The following FCHO2 variants were observed in gnomAD, a reference collection of about 807,000 sequenced individuals.
FCHO2 encodes FCH and mu domain containing endocytic adaptor 2, also known as F-BAR domain only protein 2.
FCHO2 carries 43 observed loss-of-function variants against 114.1 expected under a neutral mutation model. That is an observed-to-expected ratio of 0.38 (90% CI 0.30 to 0.49). FCHO2 has a LOEUF of 0.49. Among genes scored for constraint, FCHO2 ranks in the 20% least tolerant of loss-of-function variants. The pLI is 0.97. For synonymous variants in FCHO2, 293 were observed against 315.2 expected, an observed-to-expected ratio of 0.93 and a Z score of 0.75; for missense variants, 807 against 950.4, an observed-to-expected ratio of 0.85 and a Z score of 1.98.
intron 5 of FCHO2, among the ~76,000 whole-genome samples, chr5:72,994,821 G>A (rs1753997151): frequency 6.6e-6 from 1 of 152,178 alleles, no homozygotes; most frequent in Admixed American, 6.5e-5. Flanking sequence ...GGGAACATGG[G>A]TGGAGCTGGA....
intron 5 of FCHO2, among the ~76,000 whole-genome samples, chr5:72,993,231 A>T (rs1429051306): frequency 6.6e-6 from 1 of 152,084 alleles, no homozygotes; most frequent in African/African-American, 2.4e-5. Context: ...TAATTAGAAA[A>T]CTTGGAAATG....
intron 18 of FCHO2, among the ~76,000 whole-genome samples, chr5:73,066,107 A>C (rs1173397503): frequency 1.3e-5 from 2 of 152,036 alleles, no homozygotes; most frequent in African/African-American, 2.4e-5. Context: ...AAGTGATAGA[A>C]TCTTTTGCCA....
chr5:72,974,855 C>T (rs1402201340), intron 2 of FCHO2, among the ~76,000 whole-genome samples: 1 of 152,150 alleles, frequency 6.6e-6, no homozygotes, highest in Admixed American at 6.5e-5. Flanking sequence ...TTGTTCCTTT[C>T]CATGTTTAGC....
intron 23 of FCHO2, 136 bp from the exon 24 acceptor site, chr5:73,082,625 C>A: frequency 1.5e-6 from 1 of 683,796 alleles, no homozygotes; most frequent in Admixed American, 3.1e-5. Context: ...ACATTTTCAC[C>A]AGTTAATACT....
chr5:73,070,126 G>C (rs1232138026), intron 19 of FCHO2, among the ~76,000 whole-genome samples: 1 of 152,084 alleles, frequency 6.6e-6, no homozygotes, highest in East Asian at 1.9e-4. Flanking sequence ...AGTGGAACTA[G>C]CAGTCGTTTA....
At chr5:73,001,172 G>C (rs1336732475) in intron 5 of FCHO2, among the ~76,000 whole-genome samples, 1 of 152,040 alleles carries the variant, frequency 6.6e-6, no homozygotes, top group East Asian at 1.9e-4. Flanking sequence ...CAGGGTGGAG[G>C]GATAACTTGA....
chr5:72,978,650 A>C (rs1753011842), intron 2 of FCHO2, among the ~76,000 whole-genome samples: 1 of 152,128 alleles, frequency 6.6e-6, no homozygotes, highest in Non-Finnish European at 1.5e-5. Context: ...ACTATGTTGA[A>C]TAAGAGTGGT....
At position 73,081,790 on chromosome 5, in the gene FCHO2, C is replaced by A; in HGVS notation, c.1988C>A (p.Ser663Ter). ...GTTCTTTTCTCTTTAAAGGTATCAT[C>A]AAATGGTATTCAGTCCACTCCTCTG... The part of the protein sequence containing the change: ...NVDVLKYQVS[S>*]NGIQSTPLNL... The change falls in exon 23 of 26, where the codon TCA becomes TAA. Residue 663 changes from serine (S) to a stop codon, truncating the protein, a stop_gained. Coordinates refer to ENST00000430046, the MANE Select transcript of FCHO2 (RefSeq NM_138782.3). LOFTEE classifies it high-confidence loss of function. The A allele has an allele frequency of 6.6e-7, 1 of 1,522,638 alleles. No homozygotes were observed. Among genetic ancestry groups the A allele is most frequent in the South Asian group, 1.3e-5 (1 of 76,852 alleles). The allele number at this position is 1,522,638 out of a possible 1,614,324, so 94.3% of individuals were successfully genotyped here. A position where few individuals can be genotyped will look rare whatever the true frequency, so the allele number is the denominator to read the frequency against.
Position 73,006,536 on chromosome 5 carries a change from C to G in FCHO2, c.587C>G (p.Thr196Arg). 6.4e-7 allele frequency: 1 copy of G among 1,559,984 alleles called. No homozygotes were observed. The highest frequency in any genetic ancestry group is 8.6e-7 in the Non-Finnish European group (1 of 1,156,606). Residue 196 changes from threonine to arginine, a missense_variant, in exon 6 of 26, where the codon ACA becomes AGA. Transcript: ENST00000430046. The stretch of plus-strand genomic sequence containing the variant: ...AAAGCTGATTTCGAACAGAAAATGA[C>G]AGAAACAGCTCAGGTTGGTATTTTA... The part of the protein sequence containing the change: ...LAKADFEQKM[T>R]ETAQKFQDIE...
At chr5:72,957,556 C>T (rs537652930) in intron 1 of FCHO2, among the ~76,000 whole-genome samples, 3 of 152,332 alleles carry the variant, frequency 2.0e-5, no homozygotes, top group African/African-American at 7.2e-5. Context: ...TTTTTATGGT[C>T]AAATAATATT....
At chr5:72,958,043 GT>G (rs567866910) in intron 1 of FCHO2, among the ~76,000 whole-genome samples, 1,783 of 142,580 alleles carry the variant, frequency 0.013, 30 homozygotes, top group African/African-American at 0.037. Flanking sequence ...AGTTGTAAGA[GT>G]TTTTTTTTTT....
intron 18 of FCHO2, among the ~76,000 whole-genome samples, chr5:73,064,748 C>T (rs1757988623): frequency 6.6e-6 from 1 of 151,908 alleles, no homozygotes; most frequent in Admixed American, 6.6e-5. Flanking sequence ...TTTCAGGGTT[C>T]CTTAAACACA....
intron 5 of FCHO2, among the ~76,000 whole-genome samples, chr5:73,002,621 C>T (rs1204349147): frequency 6.6e-6 from 1 of 152,132 alleles, no homozygotes; most frequent in Non-Finnish European, 1.5e-5. Context: ...TAGATGCTTA[C>T]TTTTTAAAAT....
At chr5:73,003,321 A>T (rs189615766) in intron 5 of FCHO2, among the ~76,000 whole-genome samples, 42 of 152,058 alleles carry the variant, frequency 2.8e-4, no homozygotes, top group African/African-American at 8.7e-4. Flanking sequence ...CTTATTTTTT[A>T]AAAATTTTTA....
chr5:72,960,514 A>G (rs1751800461), intron 1 of FCHO2, among the ~76,000 whole-genome samples: 1 of 152,190 alleles, frequency 6.6e-6, no homozygotes, highest in Admixed American at 6.5e-5. Context: ...ATTTTTACAT[A>G]TTAAACATTA....
At chr5:73,030,454 T>G (rs568968644) in intron 8 of FCHO2, among the ~76,000 whole-genome samples, 30 of 152,368 alleles carry the variant, frequency 2.0e-4, no homozygotes, top group East Asian at 5.8e-4. Flanking sequence ...ACATGAATGC[T>G]TGTTATAAAT....
At chr5:73,012,835 C>A (rs1480417635) in intron 6 of FCHO2, among the ~76,000 whole-genome samples, 2 of 152,014 alleles carry the variant, frequency 1.3e-5, no homozygotes, top group Non-Finnish European at 2.9e-5. Context: ...CCCCTACCCC[C>A]AAAACCCCAC....
At chr5:73,079,516 G>C (rs1202468697) in intron 22 of FCHO2, among the ~76,000 whole-genome samples, 1 of 151,992 alleles carries the variant, frequency 6.6e-6, no homozygotes, top group Non-Finnish European at 1.5e-5. Context: ...AGACACTTGA[G>C]AAAAAAATTA....
At chr5:73,020,814 G>C (rs1755575175) in intron 8 of FCHO2, 1 of 917,416 alleles carries the variant, frequency 1.1e-6, no homozygotes, top group Non-Finnish European at 1.8e-6. Flanking sequence ...GAATGGTCCT[G>C]TCTGCGATGC....
Sources: gnomAD v4.1 joint callset for allele counts (sites outside exome capture counted in the v4.1 genomes callset) on GRCh38, gnomAD v4.1.1 for gene constraint, MANE v1.5 for transcripts, NCBI Gene and HGNC (gene_info 2026-07-23, HGNC 2026-07-21) for gene names.